KRTAP21-2: variants seen among roughly 807,000 people sequenced by gnomAD.
KRTAP21-2 encodes keratin-associated protein 21-2.
For missense variants in KRTAP21-2, 103 were observed against 101.2 expected, an observed-to-expected ratio of 1.02 and a Z score of -0.08; for synonymous variants, 38 against 38.6, an observed-to-expected ratio of 0.98 and a Z score of 0.06.
In KRTAP21-2 at chr21:30,747,230, G is replaced by T; in HGVS notation, c.-28C>A. On this transcript the variant is annotated 5_prime_UTR_variant, in exon 1 of 1. Coordinates refer to ENST00000333892, the MANE Select transcript of KRTAP21-2 (RefSeq NM_181617.3). ...TTTCAGGAGGTTAGATTTCAGTTGA[G>T]GTGTAGGAGGATATTTCTGAAGTGT... is the stretch of plus-strand genomic sequence containing the variant. The T allele has an allele frequency of 1.2e-6, 2 of 1,602,782 alleles. No individual in the cohort carries two copies. Among genetic ancestry groups the T allele is most frequent in the Non-Finnish European group, 1.7e-6 (2 of 1,172,128 alleles).
Position 30,747,119 on chromosome 21 carries a change from G to A in KRTAP21-2, c.84C>T (p.Gly28=). ...GWSSGCGYGC[G]YGCGYGSGCR... ...AGCCAGAGCCGTATCCACAGCCATA[G>A]CCACAACCATATCCACAGCCGGAAC... The change falls in exon 1 of 1, where the codon GGC becomes GGT. Residue 28 remains glycine, a synonymous_variant. Transcript: ENST00000333892. 6.2e-7 allele frequency: 1 copy of A among 1,613,918 alleles called. No individual in the cohort carries two copies. The highest frequency in any genetic ancestry group is 8.5e-7 in the Non-Finnish European group (1 of 1,179,950).
At position 30,746,974 on chromosome 21, in the gene KRTAP21-2, T is replaced by C. The variant is rs199996624; in HGVS notation, c.229A>G (p.Arg77Gly). The C allele has an allele frequency of 5.3e-5, 85 of 1,613,682 alleles. 1 individual carries two copies. Among genetic ancestry groups the C allele is most frequent in the Admixed American group, 1.5e-4 (9 of 59,990 alleles). The change falls in exon 1 of 1, where the codon AGA (arginine) becomes GGA (glycine). Residue 77 changes from arginine (R) to glycine (G), a missense_variant. Arg to Gly is a moderately radical substitution (Grantham distance 125). Transcript: ENST00000333892. ...GATTAGTAGCAAGAGGAATAGCATCTTCTGTAGCAAAGTGGTCGGTAGCCA... is the reference window on the plus strand; with the variant it reads ...GATTAGTAGCAAGAGGAATAGCATCCTCTGTAGCAAAGTGGTCGGTAGCCA... ...CCGYRPLCYR[R>G]CYSSCY
rs1321365844 is a variant in KRTAP21-2 at position 30,746,833 on chromosome 21, T to C, written c.*118A>G. ...ACAGCTTCTCTTATATGCATTCAGATAGTCAGGTGACCATAGTCAACCTTT... is the reference window on the plus strand; with the variant it reads ...ACAGCTTCTCTTATATGCATTCAGACAGTCAGGTGACCATAGTCAACCTTT... On this transcript the variant is annotated 3_prime_UTR_variant, in exon 1 of 1. Transcript: ENST00000333892. 8.4e-7 allele frequency: 1 copy of C among 1,184,954 alleles called. No homozygotes were observed. The highest frequency in any genetic ancestry group is 1.5e-5 in the African/African-American group (1 of 65,640). 73.4% of individuals were successfully genotyped at this position (1,184,954 alleles called of 1,614,324 possible).
chr21:30,747,255 T>C lies in KRTAP21-2; in HGVS notation c.-53A>G. 1 of 1,576,362 alleles carries C rather than the reference T, an allele frequency of 6.3e-7. No homozygotes were observed. The highest frequency in any genetic ancestry group is 8.7e-7 in the Non-Finnish European group (1 of 1,154,490). ...GGTGTAGGAGGATATTTCTGAAGTGTGACTGTCCTCTACTCTTCTAAGACC... is the reference window on the plus strand; with the variant it reads ...GGTGTAGGAGGATATTTCTGAAGTGCGACTGTCCTCTACTCTTCTAAGACC... On this transcript the variant is annotated 5_prime_UTR_variant, in exon 1 of 1. Coordinates refer to ENST00000333892, the MANE Select transcript of KRTAP21-2 (RefSeq NM_181617.3).
rs771199671 is a variant in KRTAP21-2, at chr21:30,746,915, G to A, written c.*36C>T. On this transcript the variant is annotated 3_prime_UTR_variant, in exon 1 of 1. Coordinates refer to ENST00000333892, the MANE Select transcript of KRTAP21-2 (RefSeq NM_181617.3). Reference sequence around the variant, plus strand: ...TTTCAATTGAACTTGATCTTGGAGAGGTCATTGCAAAGCCAAGGATGACCT... The same window carrying A: ...TTTCAATTGAACTTGATCTTGGAGAAGTCATTGCAAAGCCAAGGATGACCT... The A allele has an allele frequency of 3.1e-6, 5 of 1,587,974 alleles. No homozygotes were observed. The East Asian group carries it at 1.1e-4, about 36-fold the overall frequency.
Position 30,746,865 on chromosome 21 carries a change from A to C in KRTAP21-2, c.*86T>G. 1 of 1,468,048 alleles carries C rather than the reference A, an allele frequency of 6.8e-7. No homozygotes were observed. Among genetic ancestry groups the C allele is most frequent in the South Asian group, 1.3e-5 (1 of 76,626 alleles). The allele number at this position is 1,468,048 out of a possible 1,614,324, so 90.9% of individuals were successfully genotyped here. On this transcript the variant is annotated 3_prime_UTR_variant, in exon 1 of 1. Coordinates refer to ENST00000333892, the MANE Select transcript of KRTAP21-2 (RefSeq NM_181617.3). ...GTGACCATAGTCAACCTTTACTTAG[A>C]TGTGAAGATAATGGGTAGGGGAGAT...
chr21:30,746,823 T>C lies in KRTAP21-2; in HGVS notation c.*128A>G. ...TCCACTGCCAACAGCTTCTCTTATA[T>C]GCATTCAGATAGTCAGGTGACCATA... On this transcript the variant is annotated 3_prime_UTR_variant, in exon 1 of 1. Coordinates refer to ENST00000333892, the MANE Select transcript of KRTAP21-2 (RefSeq NM_181617.3). 1.9e-6 allele frequency: 2 copies of C among 1,048,006 alleles called. No homozygotes were observed. Among genetic ancestry groups the C allele is most frequent in the Non-Finnish European group, 2.8e-6 (2 of 720,962 alleles). 64.9% of individuals were successfully genotyped at this position (1,048,006 alleles called of 1,614,324 possible).
Position 30,746,827 on chromosome 21 carries a change from T to A in KRTAP21-2, c.*124A>T, listed in dbSNP as rs1039618681. 3 of 1,141,490 alleles carry A rather than the reference T, an allele frequency of 2.6e-6. No individual in the cohort carries two copies. The highest frequency in any genetic ancestry group is 3.7e-6 in the Non-Finnish European group (3 of 803,862). 70.7% of individuals were successfully genotyped at this position (1,141,490 alleles called of 1,614,324 possible). On this transcript the variant is annotated 3_prime_UTR_variant, in exon 1 of 1. Coordinates refer to ENST00000333892, the MANE Select transcript of KRTAP21-2 (RefSeq NM_181617.3). ...CTGCCAACAGCTTCTCTTATATGCATTCAGATAGTCAGGTGACCATAGTCA... is the reference window on the plus strand; with the variant it reads ...CTGCCAACAGCTTCTCTTATATGCAATCAGATAGTCAGGTGACCATAGTCA...
chr21:30,746,987 T>G lies in KRTAP21-2; in HGVS notation c.216A>C (p.Pro72=), dbSNP rs1232392848. 6.2e-7 allele frequency: 1 copy of G among 1,613,800 alleles called. No individual in the cohort carries two copies. Among genetic ancestry groups the G allele is most frequent in the Non-Finnish European group, 8.5e-7 (1 of 1,179,916 alleles). Residue 72 remains proline, a synonymous_variant, in exon 1 of 1, where the codon CCA becomes CCC. Coordinates refer to ENST00000333892, the MANE Select transcript of KRTAP21-2 (RefSeq NM_181617.3). ...AGGAATAGCATCTTCTGTAGCAAAG[T>G]GGTCGGTAGCCACAGCAGCTAGAGC... ...GYSSSCCGYR[P]LCYRRCYSSC... is the part of the protein sequence containing the mutation.
Position 30,747,092 on chromosome 21 carries a change from A to G in KRTAP21-2, c.111T>C (p.Cys37=). 6.2e-7 allele frequency: 1 copy of G among 1,613,932 alleles called. No individual in the cohort carries two copies. Among genetic ancestry groups the G allele is most frequent in the Non-Finnish European group, 8.5e-7 (1 of 1,179,934 alleles). ...CGYGCGYGSG[C]RYGSGYGTGC... is the part of the protein sequence containing the mutation. ...CAGTTCCATAGCCAGAGCCATATCT[A>G]CAGCCAGAGCCGTATCCACAGCCAT... Residue 37 remains cysteine (C), a synonymous_variant, in exon 1 of 1, where the codon TGT becomes TGC. Transcript: ENST00000333892.
chr21:30,747,020 A>G lies in KRTAP21-2; in HGVS notation c.183T>C (p.Cys61=), dbSNP rs780061870. The G allele has an allele frequency of 7.4e-6, 12 of 1,613,026 alleles. No homozygotes were observed. Among genetic ancestry groups the G allele is most frequent in the Non-Finnish European group, 1.0e-5 (12 of 1,179,546 alleles). Residue 61 remains cysteine, a synonymous_variant, in exon 1 of 1, where the codon TGT becomes TGC. Transcript: ENST00000333892. ...CGYGSGCGYG[C]GYSSSCCGYR... The stretch of plus-strand genomic sequence containing the variant: ...AGCCACAGCAGCTAGAGCTGTATCC[A>G]CAGCCATATCCACAGCCAGAGCCGT...
the KRTAP21-2 span, chr21:30,747,167 G>GC: frequency 6.2e-7 from 1 of 1,613,838 alleles, no homozygotes; most frequent in South Asian, 1.1e-5. Context: ...CATATCCACA[G>GC]CCCCCACAGC....
At position 30,746,938 on chromosome 21, in the gene KRTAP21-2, C is replaced by G. The variant is rs760623935; in HGVS notation, c.*13G>C. ...GAGGTCATTGCAAAGCCAAGGATGA[C>G]CTGTAGTGATGATTAGTAGCAAGAG... On this transcript the variant is annotated 3_prime_UTR_variant, in exon 1 of 1. Transcript: ENST00000333892. The G allele has an allele frequency of 7.5e-6, 12 of 1,608,192 alleles. No homozygotes were observed. Among genetic ancestry groups the G allele is most frequent in the Non-Finnish European group, 1.0e-5 (12 of 1,175,812 alleles).
chr21:30,746,991 C>CGGT lies in KRTAP21-2; in HGVS notation c.209_211dup (p.Tyr70_Arg71insHis), dbSNP rs200667365. The CGGT allele has an allele frequency of 2.0e-3, 3,268 of 1,613,884 alleles. 59 individuals carry two copies. The African/African-American group carries it at 0.038, about 19-fold the overall frequency. Reference sequence around the variant, plus strand: ...ATAGCATCTTCTGTAGCAAAGTGGTCGGTAGCCACAGCAGCTAGAGCTGTA... The same window carrying CGGT: ...ATAGCATCTTCTGTAGCAAAGTGGTCGGTGGTAGCCACAGCAGCTAGAGCTGTA... On this transcript the variant is annotated inframe_insertion, in exon 1 of 1. Coordinates refer to ENST00000333892, the MANE Select transcript of KRTAP21-2 (RefSeq NM_181617.3).
In KRTAP21-2 at chr21:30,747,028, A is replaced by T; in HGVS notation, c.175T>A (p.Tyr59Asn). ...YGCGYGSGCG[Y>N]GCGYSSSCCG... is the part of the protein sequence containing the mutation. ...CAGCTAGAGCTGTATCCACAGCCAT[A>T]TCCACAGCCAGAGCCGTATCCACAG... Residue 59 changes from tyrosine (Y) to asparagine (N), a missense_variant, in exon 1 of 1, where the codon TAT becomes AAT. Tyr to Asn is a moderately radical substitution (Grantham distance 143). Transcript: ENST00000333892. The T allele has an allele frequency of 6.2e-7, 1 of 1,613,548 alleles. No homozygotes were observed. Among genetic ancestry groups the T allele is most frequent in the Middle Eastern group, 1.7e-4 (1 of 6,046 alleles).
Position 30,747,096 on chromosome 21 carries a change from C to G in KRTAP21-2, c.107G>C (p.Gly36Ala), listed in dbSNP as rs1217557295. The change falls in exon 1 of 1, where the codon GGC becomes GCC. Residue 36 changes from glycine (G) to alanine (A), a missense_variant. Physicochemically the swap from Gly to Ala is moderately conservative, Grantham distance 60. Transcript: ENST00000333892. ...TCCATAGCCAGAGCCATATCTACAG[C>G]CAGAGCCGTATCCACAGCCATAGCC... is the stretch of plus-strand genomic sequence containing the variant. ...GCGYGCGYGS[G>A]CRYGSGYGTG... 1 of 1,613,960 alleles carries G rather than the reference C, an allele frequency of 6.2e-7. No homozygotes were observed. The highest frequency in any genetic ancestry group is 1.7e-5 in the Admixed American group (1 of 59,966).
At position 30,747,101 on chromosome 21, in the gene KRTAP21-2, G is replaced by A. The variant is rs764623677; in HGVS notation, c.102C>T (p.Gly34=). 6.8e-6 allele frequency: 11 copies of A among 1,613,816 alleles called. No individual in the cohort carries two copies. The Admixed American group carries it at 1.8e-4, about 27-fold the overall frequency. ...AGCCAGAGCCATATCTACAGCCAGAGCCGTATCCACAGCCATAGCCACAAC... is the reference window on the plus strand; with the variant it reads ...AGCCAGAGCCATATCTACAGCCAGAACCGTATCCACAGCCATAGCCACAAC... ...GYGCGYGCGY[G]SGCRYGSGYG... The change falls in exon 1 of 1, where the codon GGC becomes GGT. Residue 34 remains glycine (G), a synonymous_variant. Transcript: ENST00000333892.
rs1270211946 is a variant in KRTAP21-2, at chr21:30,747,159, T to C, written c.44A>G (p.Tyr15Cys). 3 of 1,613,896 alleles carry C rather than the reference T, an allele frequency of 1.9e-6. No homozygotes were observed. The highest frequency in any genetic ancestry group is 2.5e-6 in the Non-Finnish European group (3 of 1,179,950). ...ACAGCCGGAACTCCAGCCAGAGCCATATCCACAGCCCCCACAGCAGTTTCT... is the reference window on the plus strand; with the variant it reads ...ACAGCCGGAACTCCAGCCAGAGCCACATCCACAGCCCCCACAGCAGTTTCT... ...YYRNCCGGCG[Y>C]GSGWSSGCGY... The change falls in exon 1 of 1, where the codon TAT (tyrosine) becomes TGT (cysteine). Residue 15 changes from tyrosine (Y) to cysteine (C), a missense_variant. Coordinates refer to ENST00000333892, the MANE Select transcript of KRTAP21-2 (RefSeq NM_181617.3).
Position 30,746,867 on chromosome 21 carries a change from G to A in KRTAP21-2, c.*84C>T, listed in dbSNP as rs1983624204. The A allele has an allele frequency of 1.4e-6, 2 of 1,477,852 alleles. No homozygotes were observed. The highest frequency in any genetic ancestry group is 1.8e-6 in the Non-Finnish European group (2 of 1,090,022). 91.5% of individuals were successfully genotyped at this position (1,477,852 alleles called of 1,614,324 possible). On this transcript the variant is annotated 3_prime_UTR_variant, in exon 1 of 1. Coordinates refer to ENST00000333892, the MANE Select transcript of KRTAP21-2 (RefSeq NM_181617.3). ...GACCATAGTCAACCTTTACTTAGAT[G>A]TGAAGATAATGGGTAGGGGAGATTT...
Sources: allele counts gnomAD v4.1 joint callset, GRCh38; gene constraint gnomAD v4.1.1; transcripts MANE v1.5; gene names NCBI Gene and HGNC (gene_info 2026-07-23, HGNC 2026-07-21).